Variants in COL5A1 observed in about 807,000 individuals in gnomAD.
The protein encoded by COL5A1 is collagen alpha-1(V) chain.
COL5A1 carries 16 observed loss-of-function variants against 263.7 expected under a neutral mutation model. That is an observed-to-expected ratio of 0.06 (90% CI 0.04 to 0.09). The LOEUF is 0.09. Ranked by LOEUF, COL5A1 falls within the 10% of genes least tolerant of loss-of-function variation. COL5A1 has a pLI of 1.00. For missense variants in COL5A1, 2,036 were observed against 2,540.5 expected, an observed-to-expected ratio of 0.80 and a Z score of 4.27; for synonymous variants, 1,012 against 1,004.5, an observed-to-expected ratio of 1.01 and a Z score of -0.14.
intron 11 of COL5A1, among the ~76,000 whole-genome samples, chr9:134,745,780 G>A (rs1835489260): frequency 6.6e-6 from 1 of 152,148 alleles, no homozygotes; most frequent in Non-Finnish European, 1.5e-5. Flanking sequence ...AGTTCTGGAG[G>A]CCAGAAATCT....
At chr9:134,786,693 G>A (rs964684094) in intron 31 of COL5A1, among the ~76,000 whole-genome samples, 3 of 149,012 alleles carry the variant, frequency 2.0e-5, no homozygotes, top group Admixed American at 6.6e-5. Flanking sequence ...GGAAATCATT[G>A]AAAATGTTAT....
Position 134,691,077 on chromosome 9 carries a change from C to G in COL5A1, c.275C>G (p.Pro92Arg), listed in dbSNP as rs1364237179. 1 of 1,613,006 alleles carries G rather than the reference C, an allele frequency of 6.2e-7. No homozygotes were observed. The highest frequency in any genetic ancestry group is 1.7e-5 in the Admixed American group (1 of 60,032). ...QLSAPTKQLY[P>R]ASAFPEDFSI... ...AGCGCACCCACCAAGCAGCTGTACC[C>G]TGGTAAGTGCCGCACCCTTCTGTTT... Residue 92 changes from proline to arginine, a missense_variant and splice_region_variant, in exon 2 of 66, where the codon CCT becomes CGT. Coordinates refer to ENST00000371817, the MANE Select transcript of COL5A1 (RefSeq NM_000093.5).
chr9:134,772,240 C>A (rs191156253), intron 25 of COL5A1, among the ~76,000 whole-genome samples: 1 of 152,248 alleles, frequency 6.6e-6, no homozygotes, highest in African/African-American at 2.4e-5. Context: ...ACCAACCTTG[C>A]TTTGCTTTTG....
intron 2 of COL5A1, among the ~76,000 whole-genome samples, chr9:134,698,070 C>T (rs1392678059): frequency 7.2e-5 from 11 of 152,146 alleles, no homozygotes; most frequent in African/African-American, 1.9e-4. Flanking sequence ...GGCGACAGAA[C>T]GAGACTCTAT....
intron 1 of COL5A1, among the ~76,000 whole-genome samples, chr9:134,655,853 A>AGCCT (rs760913524): frequency 3.2e-4 from 48 of 152,174 alleles, no homozygotes; most frequent in Non-Finnish European, 4.6e-4. Context: ...TGGCACCTGC[A>AGCCT]GCAGGGCTCC....
chr9:134,760,010 ACACATGCACACACACCCACGCACACACG>A (rs1836252280), intron 18 of COL5A1, among the ~76,000 whole-genome samples: 1 of 106,508 alleles, frequency 9.4e-6, no homozygotes, highest in Non-Finnish European at 1.8e-5. Context: ...ACACTCATAC[ACACATGCACACACACCCACGCACACACG>A]CACATACACA....
chr9:134,766,419 C>T (rs568742667), intron 21 of COL5A1, 35 bp from the exon 22 acceptor site: 13 of 1,610,066 alleles, frequency 8.1e-6, no homozygotes, highest in African/African-American at 1.3e-5. Flanking sequence ...CTTTCGCATT[C>T]AGTTACATGT....
intron 26 of COL5A1, among the ~76,000 whole-genome samples, chr9:134,774,310 C>G (rs1274633647): frequency 6.6e-6 from 1 of 152,122 alleles, no homozygotes; most frequent in African/African-American, 2.4e-5. Context: ...GGAAAGGGGG[C>G]TGGGAGGGAG....
rs144286960 is a variant in COL5A1 at position 134,686,479 on chromosome 9, C to G, written c.110-4433C>G. Reference sequence around the variant, plus strand: ...GTTGCCCAGGTTGATCTCCAACTCCCGAGCTCAAGCCATCTGCCTGCCTCG... The same window carrying G: ...GTTGCCCAGGTTGATCTCCAACTCCGGAGCTCAAGCCATCTGCCTGCCTCG... On this transcript the variant is annotated intron_variant, in intron 1 of 65. Coordinates refer to ENST00000371817, the MANE Select transcript of COL5A1 (RefSeq NM_000093.5). The surrounding 1 kb of genome is among the most constrained non-coding windows in gnomAD (Gnocchi z 4.6). Among the ~76,000 whole-genome samples the G allele has an allele frequency of 4.8e-4, 73 of 152,192 alleles. No individual in the cohort carries two copies. The highest frequency in any genetic ancestry group is 1.7e-3 in the African/African-American group (70 of 41,526).
intron 2 of COL5A1, among the ~76,000 whole-genome samples, chr9:134,693,780 G>C (rs766396730): frequency 2.3e-4 from 35 of 152,362 alleles, no homozygotes; most frequent in Non-Finnish European, 2.5e-4. Flanking sequence ...TCAGTGGAGG[G>C]ACTCAGAAGC....
chr9:134,679,745 AGGGGCACTGTGGGGCTGGTTG>A (rs1449332787), intron 1 of COL5A1, among the ~76,000 whole-genome samples: 626 of 45,898 alleles, frequency 0.014, 6 homozygotes, highest in African/African-American at 0.037. Context: ...GGGCTTCTTA[AGGGGCACTGTGGGGCTGGTTG>A]GGGGCACTGC....
At chr9:134,831,297 A>C (rs1272406342) in intron 64 of COL5A1, among the ~76,000 whole-genome samples, 1 of 152,188 alleles carries the variant, frequency 6.6e-6, no homozygotes, top group Non-Finnish European at 1.5e-5. Flanking sequence ...TTGAAATCAT[A>C]TACCAGCTCC....
chr9:134,830,326 T>C, intron 64 of COL5A1: 1 of 749,964 alleles, frequency 1.3e-6, no homozygotes, highest in Non-Finnish European at 2.2e-6. Context: ...CTCAGCTAGG[T>C]GTGGAGTCCT....
intron 57 of COL5A1, among the ~76,000 whole-genome samples, chr9:134,819,604 G>A (rs1838909599): frequency 6.6e-6 from 1 of 152,202 alleles, no homozygotes; most frequent in East Asian, 1.9e-4. Flanking sequence ...GCAAATGAGA[G>A]CTGGGGCTGC....
In COL5A1 at chr9:134,642,966, C is replaced by T; in HGVS notation, c.109+670C>T. On this transcript the variant is annotated intron_variant, in intron 1 of 65. Transcript: ENST00000371817. This position sits in a 1 kb window ranked among gnomAD's most constrained non-coding sequence, Gnocchi z 4.5. Reference sequence around the variant, plus strand: ...CCTGGAAGGCAGCTTTTCCTGGATTCGCTGCTGAGAGATGGGATGCGTGGA... The same window carrying T: ...CCTGGAAGGCAGCTTTTCCTGGATTTGCTGCTGAGAGATGGGATGCGTGGA... Among the ~76,000 whole-genome samples the T allele has an allele frequency of 6.6e-6, 1 of 152,224 alleles. No individual in the cohort carries two copies. The highest frequency in any genetic ancestry group is 1.9e-4 in the East Asian group (1 of 5,200).
At chr9:134,732,213 G>A (rs377719991) in intron 9 of COL5A1, 86 bp downstream of exon 9, 18 of 1,425,052 alleles carry the variant, frequency 1.3e-5, no homozygotes, top group East Asian at 2.3e-5. Flanking sequence ...GAACAGGTCC[G>A]TGGGCCCCTG....
Position 134,765,368 on chromosome 9 carries a change from C to T in COL5A1, c.2035-313C>T, listed in dbSNP as rs2132725371. ...GTGATTCTCTGGGGGAGCGTCTGCT[C>T]ACCTGCCCCAGCAAGTGTCAGAGGA... On this transcript the variant is annotated intron_variant, in intron 20 of 65. Coordinates refer to ENST00000371817, the MANE Select transcript of COL5A1 (RefSeq NM_000093.5). The surrounding 1 kb of genome is among the most constrained non-coding windows in gnomAD (Gnocchi z 5.1). 6.6e-6 allele frequency among the ~76,000 whole-genome samples: 1 copy of T among 152,252 alleles called. No individual in the cohort carries two copies. The highest frequency in any genetic ancestry group is 2.1e-4 in the South Asian group (1 of 4,828).
At chr9:134,759,911 CCA>C (rs573910644) in intron 18 of COL5A1, among the ~76,000 whole-genome samples, 138 of 107,384 alleles carry the variant, frequency 1.3e-3, no homozygotes, top group Non-Finnish European at 2.0e-3. Context: ...CCATGCACCC[CCA>C]CACTCATACA....
At chr9:134,831,892 A>G (rs998768586) in intron 64 of COL5A1, among the ~76,000 whole-genome samples, 1 of 152,200 alleles carries the variant, frequency 6.6e-6, no homozygotes, top group African/African-American at 2.4e-5. Context: ...AGCTTACTTT[A>G]GGATCTTTCC....
Sources: gnomAD v4.1 joint callset for allele counts (sites outside exome capture counted in the v4.1 genomes callset) on GRCh38, gnomAD v4.1.1 for gene constraint, Gnocchi (gnomAD v3.1) non-coding constraint, MANE v1.5 for transcripts, NCBI Gene and HGNC (gene_info 2026-07-23, HGNC 2026-07-21) for gene names.